The following DLGAP1 variants were observed in gnomAD, a reference collection of about 807,000 sequenced individuals.
DLGAP1 encodes disks large-associated protein 1.
In DLGAP1, 11 loss-of-function variants were observed where a neutral mutation model predicts 90.8. The observed-to-expected ratio is 0.12, with a 90% confidence interval of 0.08 to 0.20. DLGAP1 has a LOEUF of 0.20. Ranked by LOEUF, DLGAP1 falls within the 10% of genes least tolerant of loss-of-function variation. DLGAP1 has a pLI of 1.00. For synonymous variants in DLGAP1, 558 were observed against 540.7 expected (o/e 1.03, Z -0.44); for missense variants, 1,050 against 1,333.8 (o/e 0.79, Z 3.31).
chr18:4,099,666 G>A (rs534524898), intron 2 of DLGAP1, among the ~76,000 whole-genome samples: 2 of 151,470 alleles, frequency 1.3e-5, no homozygotes, highest in East Asian at 3.9e-4. Context: ...GTTGCTGAAG[G>A]TTGGTGTGGT....
intron 4 of DLGAP1, among the ~76,000 whole-genome samples, chr18:3,830,479 T>C (rs1393757386): frequency 2.6e-5 from 4 of 152,188 alleles, no homozygotes; most frequent in Admixed American, 6.5e-5. Flanking sequence ...GGCAGAAGAA[T>C]ACCTTGAACC....
chr18:3,827,370 G>A (rs759325109), intron 4 of DLGAP1, among the ~76,000 whole-genome samples: 2 of 152,124 alleles, frequency 1.3e-5, no homozygotes, highest in South Asian at 2.1e-4. Flanking sequence ...GTGTGTTGTC[G>A]GTCCTGGAAG....
intron 2 of DLGAP1, among the ~76,000 whole-genome samples, chr18:4,139,934 T>G (rs944972269): frequency 6.6e-6 from 1 of 152,018 alleles, no homozygotes; most frequent in African/African-American, 2.4e-5. Flanking sequence ...ACTCCTGTAC[T>G]TTTTTAGATT....
chr18:3,643,834 C>A (rs962573887), intron 7 of DLGAP1, among the ~76,000 whole-genome samples: 2 of 152,172 alleles, frequency 1.3e-5, no homozygotes, highest in East Asian at 3.9e-4. Flanking sequence ...GAGAAACAGG[C>A]GCTTTCAACA....
chr18:3,502,781 T>C, intron 11 of DLGAP1, 136 bp from the exon 12 acceptor site: 2 of 927,250 alleles, frequency 2.2e-6, no homozygotes, highest in Non-Finnish European at 3.2e-6. Flanking sequence ...GAGGTAAAAG[T>C]GAGGTTACAA....
intron 7 of DLGAP1, among the ~76,000 whole-genome samples, chr18:3,619,742 C>CTTTTTTTTTT (rs10625913): frequency 8.9e-6 from 1 of 112,426 alleles, no homozygotes; most frequent in Non-Finnish European, 1.7e-5. Flanking sequence ...TAGTTTTTTC[C>CTTTTTTTTTT]TTTTTTTTTT....
chr18:4,410,106 T>TC (rs1329925528), intron 1 of DLGAP1, among the ~76,000 whole-genome samples: 1 of 152,184 alleles, frequency 6.6e-6, no homozygotes, highest in Non-Finnish European at 1.5e-5. Flanking sequence ...AGGTATGCTA[T>TC]GAGGACACAA....
intron 2 of DLGAP1, among the ~76,000 whole-genome samples, chr18:4,149,521 T>TCCC (rs2076638465): frequency 6.6e-6 from 1 of 152,204 alleles, no homozygotes; most frequent in African/African-American, 2.4e-5. Context: ...CAGGGGAGTC[T>TCCC]CCTTGCCTTT....
At chr18:3,840,160 C>T (rs775910662) in intron 4 of DLGAP1, among the ~76,000 whole-genome samples, 1 of 152,182 alleles carries the variant, frequency 6.6e-6, no homozygotes, top group Admixed American at 6.5e-5. Flanking sequence ...ACATCTTATT[C>T]CTCTTTATCA....
At chr18:3,830,354 A>G (rs551954871) in intron 4 of DLGAP1, among the ~76,000 whole-genome samples, 1 of 152,338 alleles carries the variant, frequency 6.6e-6, no homozygotes, top group African/African-American at 2.4e-5. Flanking sequence ...TCACGATGTC[A>G]GGAGTTCAAG....
intron 10 of DLGAP1, among the ~76,000 whole-genome samples, chr18:3,509,237 T>C (rs933596185): frequency 1.2e-4 from 19 of 152,262 alleles, no homozygotes; most frequent in African/African-American, 4.6e-4. Context: ...ATTAAAATAT[T>C]TTCTAAGGAG....
intron 3 of DLGAP1, among the ~76,000 whole-genome samples, chr18:3,927,872 C>T (rs903490621): frequency 1.3e-5 from 2 of 152,082 alleles, no homozygotes; most frequent in Non-Finnish European, 2.9e-5. Flanking sequence ...TTAAAAATGT[C>T]GAGTGATTTA....
At chr18:4,011,380 G>C (rs2074418143) in intron 2 of DLGAP1, among the ~76,000 whole-genome samples, 1 of 151,998 alleles carries the variant, frequency 6.6e-6, no homozygotes, top group Non-Finnish European at 1.5e-5. Flanking sequence ...TAGGTAAAAG[G>C]CTGTTTAGAA....
chr18:3,499,120 G>C lies in DLGAP1; in HGVS notation c.*65C>G. ...CGGGCTCGGAGGGGGAGAGGCAGCC[G>C]GCAGAGGAGCGGCCGGGGGAGGAGG... is the stretch of plus-strand genomic sequence containing the variant. On this transcript the variant is annotated 3_prime_UTR_variant, in exon 13 of 13. Coordinates refer to ENST00000315677, the MANE Select transcript of DLGAP1 (RefSeq NM_004746.4). This position sits in a 1 kb window ranked among gnomAD's most constrained non-coding sequence, Gnocchi z 6.4. The C allele has an allele frequency of 1.4e-6, 2 of 1,401,526 alleles. No homozygotes were observed. The highest frequency in any genetic ancestry group is 1.9e-6 in the Non-Finnish European group (2 of 1,065,006). 86.8% of individuals were successfully genotyped at this position (1,401,526 alleles called of 1,614,324 possible).
chr18:4,020,838 C>T (rs2074596731), intron 2 of DLGAP1, among the ~76,000 whole-genome samples: 1 of 152,166 alleles, frequency 6.6e-6, no homozygotes, highest in African/African-American at 2.4e-5. Context: ...AGAGTCTGAA[C>T]CTCCCCAGAT....
chr18:3,798,048 G>A (rs1464217890), intron 5 of DLGAP1, among the ~76,000 whole-genome samples: 1 of 152,180 alleles, frequency 6.6e-6, no homozygotes, highest in South Asian at 2.1e-4. Context: ...ACATGGAACT[G>A]TGAGTCCATT....
intron 3 of DLGAP1, among the ~76,000 whole-genome samples, chr18:3,976,238 T>C (rs1255357034): frequency 7.0e-6 from 1 of 142,730 alleles, no homozygotes; most frequent in African/African-American, 2.8e-5. Flanking sequence ...TAGCCAGGTG[T>C]GGTGGTGCAT....
chr18:4,002,588 T>C (rs1302225162), intron 3 of DLGAP1, among the ~76,000 whole-genome samples: 1 of 152,212 alleles, frequency 6.6e-6, no homozygotes, highest in Non-Finnish European at 1.5e-5. Context: ...AAGAATACAA[T>C]ATGTAATACA....
chr18:4,062,444 G>A (rs1027205640), intron 2 of DLGAP1, among the ~76,000 whole-genome samples: 1 of 152,086 alleles, frequency 6.6e-6, no homozygotes, highest in African/African-American at 2.4e-5. Flanking sequence ...TTTCTGACAG[G>A]CCCAGGAGCT....
Sources: allele counts gnomAD v4.1 joint callset (sites outside exome capture counted in the v4.1 genomes callset), GRCh38; gene constraint gnomAD v4.1.1; non-coding constraint Gnocchi (gnomAD v3.1); transcripts MANE v1.5; gene names NCBI Gene and HGNC (gene_info 2026-07-23, HGNC 2026-07-21).